BCKDHB: variants seen among roughly 807,000 people sequenced by gnomAD.
The protein encoded by BCKDHB is branched chain keto acid dehydrogenase E1 subunit beta.
In BCKDHB, 41 loss-of-function variants were observed where a neutral mutation model predicts 48.5. The observed-to-expected ratio is 0.85, with a 90% confidence interval of 0.66 to 1.10. The LOEUF (loss-of-function observed/expected upper bound fraction) is 1.10. Ranked by LOEUF, BCKDHB falls within the 50% of genes least tolerant of loss-of-function variation. BCKDHB has a pLI of 0.00. For missense variants in BCKDHB, 496 were observed against 494.2 expected (o/e 1.00, Z -0.03); for synonymous variants, 201 against 174.8 (o/e 1.15, Z -1.18).
At chr6:80,337,301 G>A (rs192200516) in intron 9 of BCKDHB, among the ~76,000 whole-genome samples, 30 of 152,092 alleles carry the variant, frequency 2.0e-4, no homozygotes, top group African/African-American at 6.5e-4. Context: ...GTGAGTTCAC[G>A]GACTTCAAAA....
At chr6:80,194,948 C>T (rs528816017) in intron 6 of BCKDHB, among the ~76,000 whole-genome samples, 110 of 152,246 alleles carry the variant, frequency 7.2e-4, no homozygotes, top group Admixed American at 2.2e-3. Flanking sequence ...TTGTGGGAGC[C>T]TCACCCACTG....
At chr6:80,255,067 T>A (rs1776994696) in intron 8 of BCKDHB, among the ~76,000 whole-genome samples, 1 of 152,184 alleles carries the variant, frequency 6.6e-6, no homozygotes, top group South Asian at 2.1e-4. Flanking sequence ...TTAAAATGAG[T>A]CTGATTACAT....
chr6:80,437,774 T>C, the BCKDHB span, among the ~76,000 whole-genome samples: 2 of 152,330 alleles, frequency 1.3e-5, no homozygotes, highest in Admixed American at 6.5e-5. Context: ...TAAATTTTCA[T>C]CAAACACTCT....
intron 3 of BCKDHB, among the ~76,000 whole-genome samples, chr6:80,159,573 G>A (rs1256939779): frequency 6.6e-6 from 1 of 152,090 alleles, no homozygotes; most frequent in Admixed American, 6.6e-5. Flanking sequence ...TGGTCTTCTG[G>A]ATTAGCTTTG....
chr6:80,407,784 G>A, the BCKDHB span, among the ~76,000 whole-genome samples: 29 of 152,172 alleles, frequency 1.9e-4, 1 homozygote, highest in East Asian at 3.7e-3. Context: ...TAAATATACA[G>A]TCATGTCATC....
chr6:80,272,926 A>C (rs1777810723), intron 8 of BCKDHB, among the ~76,000 whole-genome samples: 1 of 152,146 alleles, frequency 6.6e-6, no homozygotes, highest in African/African-American at 2.4e-5. Flanking sequence ...CTGGGATTAC[A>C]AACCATATTG....
chr6:80,275,419 T>C (rs1243213179), intron 9 of BCKDHB, among the ~76,000 whole-genome samples: 2 of 152,110 alleles, frequency 1.3e-5, no homozygotes, highest in Non-Finnish European at 2.9e-5. Flanking sequence ...AACCACAGAA[T>C]GACTTGAGAC....
chr6:80,343,312 A>G (rs1162707843), intron 9 of BCKDHB, among the ~76,000 whole-genome samples: 2 of 152,192 alleles, frequency 1.3e-5, no homozygotes, highest in African/African-American at 4.8e-5. Context: ...GAAGGTATAT[A>G]TTATTGCCAG....
chr6:80,268,153 T>C (rs1777592025), intron 8 of BCKDHB, among the ~76,000 whole-genome samples: 1 of 152,106 alleles, frequency 6.6e-6, no homozygotes, highest in Non-Finnish European at 1.5e-5. Context: ...ATATGTTTGC[T>C]AACCTGTGAT....
At chr6:80,142,663 G>A (rs1321332961) in intron 3 of BCKDHB, among the ~76,000 whole-genome samples, 1 of 152,214 alleles carries the variant, frequency 6.6e-6, no homozygotes, top group African/African-American at 2.4e-5. Context: ...AATATTGGCT[G>A]TGTTGGGGGA....
At chr6:80,268,599 A>G (rs1462890469) in intron 8 of BCKDHB, among the ~76,000 whole-genome samples, 1 of 152,078 alleles carries the variant, frequency 6.6e-6, no homozygotes, top group Admixed American at 6.6e-5. Context: ...CTTGCTATAG[A>G]TTTTGAGGAA....
At chr6:80,300,110 G>T (rs534978754) in intron 9 of BCKDHB, among the ~76,000 whole-genome samples, 1 of 151,330 alleles carries the variant, frequency 6.6e-6, no homozygotes, top group African/African-American at 2.4e-5. Context: ...GGAGCGTAGC[G>T]CTATGATCTC....
At chr6:80,147,464 T>C (rs9343968) in intron 3 of BCKDHB, among the ~76,000 whole-genome samples, 9,472 of 152,248 alleles carry the variant, frequency 0.062, 302 homozygotes, top group Middle Eastern at 0.082. Context: ...ATTTAACCTT[T>C]GATGTCTATT....
chr6:80,338,872 T>C (rs1192190897), intron 9 of BCKDHB, among the ~76,000 whole-genome samples: 1 of 152,104 alleles, frequency 6.6e-6, no homozygotes, highest in African/African-American at 2.4e-5. Context: ...TAATGGGGAA[T>C]TGTAATACTT....
chr6:80,421,908 T>C, the BCKDHB span, among the ~76,000 whole-genome samples: 1 of 152,134 alleles, frequency 6.6e-6, no homozygotes, highest in Non-Finnish European at 1.5e-5. Context: ...AGCGTGACCA[T>C]GAGGTAGAAA....
the BCKDHB span, among the ~76,000 whole-genome samples, chr6:80,393,070 G>A: frequency 2.6e-5 from 4 of 151,360 alleles, no homozygotes; most frequent in Non-Finnish European, 4.4e-5. Flanking sequence ...TTCATCAATC[G>A]GTATTTAATA....
the BCKDHB span, among the ~76,000 whole-genome samples, chr6:80,402,526 G>A: frequency 3.3e-5 from 5 of 151,758 alleles, no homozygotes; most frequent in Non-Finnish European, 3.0e-5. Flanking sequence ...CATCAGATGT[G>A]TGGTTTGTGA....
At chr6:80,243,252 A>G (rs1008817098) in intron 8 of BCKDHB, among the ~76,000 whole-genome samples, 1 of 152,116 alleles carries the variant, frequency 6.6e-6, no homozygotes, top group African/African-American at 2.4e-5. Context: ...ATTATGTTTC[A>G]TTCTTCAGCA....
At chr6:80,279,777 TTCA>T (rs1458390672) in intron 9 of BCKDHB, among the ~76,000 whole-genome samples, 1 of 152,182 alleles carries the variant, frequency 6.6e-6, no homozygotes, top group Non-Finnish European at 1.5e-5. Flanking sequence ...ATATGGGCAT[TTCA>T]TCCAAGAATT....
Sources: gnomAD v4.1 joint callset for allele counts (sites outside exome capture counted in the v4.1 genomes callset) on GRCh38, gnomAD v4.1.1 for gene constraint, MANE v1.5 for transcripts, NCBI Gene and HGNC (gene_info 2026-07-23, HGNC 2026-07-21) for gene names.